The following MTSS1 variants were observed in gnomAD, a reference collection of about 807,000 sequenced individuals.
MTSS1 encodes MTSS I-BAR domain containing 1, also known as protein MTSS 1.
Under a neutral mutation model 79.0 loss-of-function variants are expected in MTSS1, and 18 were observed. The ratio of observed to expected loss-of-function variants is 0.23; its 90% CI spans 0.16 to 0.34. MTSS1 has a LOEUF of 0.34. MTSS1 is among the 10% of genes least tolerant of loss of function. The pLI is 1.00. For synonymous variants in MTSS1, 341 were observed against 368.6 expected (o/e 0.93, Z 0.86); for missense variants, 815 against 986.2 (o/e 0.83, Z 2.33).
chr8:124,723,221 C>T (rs1005448298), intron 1 of MTSS1, among the ~76,000 whole-genome samples: 7 of 152,130 alleles, frequency 4.6e-5, no homozygotes, highest in African/African-American at 1.7e-4. Context: ...ATGGGAAACC[C>T]TACGTTTTTA....
intron 13 of MTSS1, among the ~76,000 whole-genome samples, chr8:124,555,199 A>AT (rs1823336607): frequency 6.6e-6 from 1 of 152,198 alleles, no homozygotes; most frequent in Non-Finnish European, 1.5e-5. Context: ...ACTGCTGTAT[A>AT]TGATGCTGCA....
intron 3 of MTSS1, among the ~76,000 whole-genome samples, chr8:124,600,040 CAAA>C (rs1175089825): frequency 2.2e-5 from 2 of 89,444 alleles, no homozygotes; most frequent in African/African-American, 8.3e-5. Flanking sequence ...GGTTGTACTA[CAAA>C]AAAAAAAAAA....
At position 124,683,188 on chromosome 8, in the gene MTSS1, C is replaced by A. The variant is rs376587214; in HGVS notation, c.208+16338G>T. On this transcript the variant is annotated intron_variant, in intron 3 of 13. Coordinates refer to ENST00000518547, the MANE Select transcript of MTSS1 (RefSeq NM_014751.6). The surrounding 1 kb of genome is among the most constrained non-coding windows in gnomAD (Gnocchi z 4.5). The stretch of plus-strand genomic sequence containing the variant: ...AAAAAGAAAAAAAGTTTCTTATACA[C>A]AAATGTTTTAACGTTTAATGTGTAA... Among the ~76,000 whole-genome samples, 6 of 151,482 alleles carry A rather than the reference C, an allele frequency of 4.0e-5. 1 individual carries two copies. The highest frequency in any genetic ancestry group is 1.5e-4 in the African/African-American group (6 of 41,338).
intron 3 of MTSS1, among the ~76,000 whole-genome samples, chr8:124,611,565 C>T (rs1835828046): frequency 6.6e-6 from 1 of 151,962 alleles, no homozygotes; most frequent in Non-Finnish European, 1.5e-5. Context: ...TTCAATTCAC[C>T]ACGTCCCTCA....
rs192926574 is a variant in MTSS1, at chr8:124,720,371, G to A, written c.72+7513C>T. ...TGTGGCCAAGACTTGGGAAGCTGCT[G>A]CCACAGGGCAGACTAGAGGCACAGG... On this transcript the variant is annotated intron_variant, in intron 1 of 13. Coordinates refer to ENST00000518547, the MANE Select transcript of MTSS1 (RefSeq NM_014751.6). 2.2e-3 allele frequency among the ~76,000 whole-genome samples: 332 copies of A among 152,330 alleles called. 2 individuals are homozygous for A. Among genetic ancestry groups the A allele is most frequent in the African/African-American group, 7.6e-3 (315 of 41,580 alleles).
chr8:124,697,331 G>A lies in MTSS1; in HGVS notation c.208+2195C>T, dbSNP rs571558419. Among the ~76,000 whole-genome samples the A allele has an allele frequency of 7.9e-4, 120 of 151,626 alleles. 1 individual carries two copies. Among genetic ancestry groups the A allele is most frequent in the South Asian group, 6.3e-4 (3 of 4,780 alleles). ...TCCCAGCACTATGGGAGGCTGAGGC[G>A]GGCAGATCACCTGAGGTAAGGAGTT... On this transcript the variant is annotated intron_variant, in intron 3 of 13. Transcript: ENST00000518547.
chr8:124,610,013 G>A lies in MTSS1; in HGVS notation c.209-18778C>T, dbSNP rs538839323. 1.2e-3 allele frequency among the ~76,000 whole-genome samples: 184 copies of A among 152,236 alleles called. 1 individual carries two copies. The highest frequency in any genetic ancestry group is 2.1e-3 in the Non-Finnish European group (142 of 68,010). On this transcript the variant is annotated intron_variant, in intron 3 of 13. Coordinates refer to ENST00000518547, the MANE Select transcript of MTSS1 (RefSeq NM_014751.6). ...TCTGGACCATAAAGCTGTGAGCTCC[G>A]GGAGGCCTGCCTAGTTTGTGATTCA... is the stretch of plus-strand genomic sequence containing the variant.
At chr8:124,631,755 C>A (rs1019945541) in intron 3 of MTSS1, among the ~76,000 whole-genome samples, 1 of 152,234 alleles carries the variant, frequency 6.6e-6, no homozygotes, top group South Asian at 2.1e-4. Context: ...CCTCCTACAG[C>A]GGGTCTGATC....
chr8:124,619,673 T>C (rs1296706446), intron 3 of MTSS1, among the ~76,000 whole-genome samples: 1 of 84,442 alleles, frequency 1.2e-5, no homozygotes, highest in Non-Finnish European at 2.1e-5. Context: ...CTTTTCAGAC[T>C]TTTTTTTTTA....
chr8:124,706,073 C>A (rs1564027888), intron 1 of MTSS1, among the ~76,000 whole-genome samples: 1 of 152,106 alleles, frequency 6.6e-6, no homozygotes, highest in Non-Finnish European at 1.5e-5. Context: ...AATGAAAGTA[C>A]AATTAAGTAT....
At chr8:124,722,462 G>C (rs900449236) in intron 1 of MTSS1, among the ~76,000 whole-genome samples, 3 of 152,172 alleles carry the variant, frequency 2.0e-5, no homozygotes, top group African/African-American at 7.2e-5. Flanking sequence ...TTAAGTTTTT[G>C]GTTGTTCGGT....
At chr8:124,592,467 A>T (rs907396098) in intron 3 of MTSS1, among the ~76,000 whole-genome samples, 3 of 152,170 alleles carry the variant, frequency 2.0e-5, no homozygotes, top group Non-Finnish European at 4.4e-5. Context: ...TGGCAGGTTT[A>T]ACCATGTTGA....
At position 124,551,555 on chromosome 8, in the gene MTSS1, C is replaced by G. The variant is rs1801775; in HGVS notation, c.*1437G>C. The stretch of plus-strand genomic sequence containing the variant: ...GGTGTATGAAACCCACCAAACTCCT[C>G]CTCTGCCTTGAGAGGGTTCGGTCAG... On this transcript the variant is annotated 3_prime_UTR_variant, in exon 14 of 14. Transcript: ENST00000518547. The G allele has an allele frequency of 1.3e-5, 2 of 152,658 alleles. No homozygotes were observed. Among genetic ancestry groups the G allele is most frequent in the African/African-American group, 4.8e-5 (2 of 41,458 alleles). 9.5% of individuals were successfully genotyped at this position (152,658 alleles called of 1,614,324 possible).
At chr8:124,577,741 C>G in intron 6 of MTSS1, 1 of 453,210 alleles carries the variant, frequency 2.2e-6, no homozygotes, top group Non-Finnish European at 4.4e-6. Context: ...CTGGAACCAT[C>G]CCACCCTCTG....
chr8:124,655,711 AC>A (rs1820815506), intron 3 of MTSS1, among the ~76,000 whole-genome samples: 1 of 152,174 alleles, frequency 6.6e-6, no homozygotes, highest in Non-Finnish European at 1.5e-5. Flanking sequence ...CTGTGGAACT[AC>A]TGAACCCAAG....
chr8:124,558,613 T>C, intron 10 of MTSS1: 1 of 1,400,558 alleles, frequency 7.1e-7, no homozygotes, highest in Non-Finnish European at 9.4e-7. Context: ...TTGGTGTCGA[T>C]TCTGAGCTTC....
At chr8:124,611,459 C>T (rs1401161036) in intron 3 of MTSS1, among the ~76,000 whole-genome samples, 2 of 152,178 alleles carry the variant, frequency 1.3e-5, no homozygotes, top group Admixed American at 6.5e-5. Context: ...GCTGGCATCC[C>T]CCCATTACAG....
intron 11 of MTSS1, chr8:124,556,620 G>C: frequency 1.7e-6 from 1 of 583,538 alleles, no homozygotes; most frequent in Non-Finnish European, 2.9e-6. Flanking sequence ...CCTTTTCCTC[G>C]TCTCTGCCCA....
At chr8:124,632,307 A>G (rs568690382) in intron 3 of MTSS1, among the ~76,000 whole-genome samples, 25 of 150,500 alleles carry the variant, frequency 1.7e-4, no homozygotes, top group African/African-American at 6.1e-4. Flanking sequence ...AAGGTAAGGA[A>G]CAAGTTTCTC....
Sources: allele counts gnomAD v4.1 joint callset (sites outside exome capture counted in the v4.1 genomes callset), GRCh38; gene constraint gnomAD v4.1.1; non-coding constraint Gnocchi (gnomAD v3.1); transcripts MANE v1.5; gene names NCBI Gene and HGNC (gene_info 2026-07-23, HGNC 2026-07-21).